INPP5D: variants seen among roughly 807,000 people sequenced by gnomAD.
INPP5D encodes the protein inositol polyphosphate-5-phosphatase D, also known as phosphatidylinositol 3,4,5-trisphosphate 5-phosphatase 1.
Under a neutral mutation model 122.9 loss-of-function variants are expected in INPP5D, and 33 were observed. That is an observed-to-expected ratio of 0.27 (90% CI 0.20 to 0.36). The LOEUF (loss-of-function observed/expected upper bound fraction) is 0.36. INPP5D is among the 10% of genes least tolerant of loss of function. The pLI is 1.00. For missense variants in INPP5D, 1,053 were observed against 1,412.7 expected, an observed-to-expected ratio of 0.75 and a Z score of 4.08; for synonymous variants, 584 against 576.2, an observed-to-expected ratio of 1.01 and a Z score of -0.19.
intron 2 of INPP5D, among the ~76,000 whole-genome samples, chr2:233,088,711 G>A (rs6712404): frequency 0.085 from 12,984 of 152,282 alleles, 583 homozygotes; most frequent in Non-Finnish European, 0.095. Flanking sequence ...CAGTCAGCTC[G>A]CTGACACCAA....
At chr2:233,172,017 C>T (rs550177517) in intron 17 of INPP5D, among the ~76,000 whole-genome samples, 5 of 152,296 alleles carry the variant, frequency 3.3e-5, no homozygotes, top group East Asian at 1.9e-4. Flanking sequence ...GAAGGCCAAG[C>T]GCTGGGTGGA....
In INPP5D at chr2:233,206,984, G is replaced by T; in HGVS notation, c.*276G>T. ...TTGGTACTTGGGACCCCAGTGCCTC[G>T]TTGAGGGCGCCATTCTGAAGAAAGG... On this transcript the variant is annotated 3_prime_UTR_variant, in exon 27 of 27. Coordinates refer to ENST00000445964, the MANE Select transcript of INPP5D (RefSeq NM_001017915.3). This position sits in a 1 kb window ranked among gnomAD's most constrained non-coding sequence, Gnocchi z 4.0. 3 of 433,608 alleles carry T rather than the reference G, an allele frequency of 6.9e-6. No individual in the cohort carries two copies. The highest frequency in any genetic ancestry group is 1.3e-5 in the Non-Finnish European group (3 of 239,370). 26.9% of individuals were successfully genotyped at this position (433,608 alleles called of 1,614,324 possible). A position where few individuals can be genotyped will look rare whatever the true frequency, so the allele number is the denominator to read the frequency against.
intron 18 of INPP5D, among the ~76,000 whole-genome samples, chr2:233,178,732 C>T (rs968424133): frequency 9.9e-5 from 15 of 152,204 alleles, no homozygotes; most frequent in Non-Finnish European, 1.5e-4. Context: ...GATCCACCCG[C>T]CTCAGCCTCC....
At chr2:233,101,102 T>G (rs1051272816) in intron 2 of INPP5D, among the ~76,000 whole-genome samples, 2 of 152,176 alleles carry the variant, frequency 1.3e-5, no homozygotes, top group African/African-American at 4.8e-5. Context: ...CTCTGGGGAC[T>G]GAAGGGATGA....
intron 2 of INPP5D, among the ~76,000 whole-genome samples, chr2:233,092,814 G>A (rs558578522): frequency 6.6e-6 from 1 of 152,170 alleles, no homozygotes; most frequent in South Asian, 2.1e-4. Context: ...AGGCCAAGGA[G>A]CCCCAGGCCC....
chr2:233,084,540 C>T (rs557281194), intron 2 of INPP5D, among the ~76,000 whole-genome samples: 4 of 152,304 alleles, frequency 2.6e-5, no homozygotes, highest in East Asian at 3.9e-4. Flanking sequence ...CACGTATCTC[C>T]GGGCGACATG....
intron 1 of INPP5D, among the ~76,000 whole-genome samples, chr2:233,061,411 T>C (rs6759288): frequency 0.04 from 6,075 of 152,060 alleles, 359 homozygotes; most frequent in African/African-American, 0.13. Context: ...GGTCTAATCA[T>C]AGGGGGGCCT....
At chr2:233,193,069 C>T (rs1371500644) in intron 22 of INPP5D, among the ~76,000 whole-genome samples, 1 of 152,112 alleles carries the variant, frequency 6.6e-6, no homozygotes, top group Non-Finnish European at 1.5e-5. Flanking sequence ...TGTAATTTTT[C>T]GTAGAGAGGG....
At chr2:233,130,686 GCCA>G in intron 5 of INPP5D, 38 bp downstream of exon 5, 5 of 1,610,772 alleles carry the variant, frequency 3.1e-6, no homozygotes, top group Non-Finnish European at 4.2e-6. Context: ...GGTGGGGGCG[GCCA>G]CCAGGTGAGA....
chr2:233,073,640 CAAAAAA>C (rs752382722), intron 1 of INPP5D, among the ~76,000 whole-genome samples: 1 of 44,202 alleles, frequency 2.3e-5, no homozygotes, highest in African/African-American at 7.4e-5. Context: ...AACTCAATCT[CAAAAAA>C]AAAAAAAAAA....
chr2:233,196,315 T>G (rs1389180843), intron 24 of INPP5D, among the ~76,000 whole-genome samples: 1 of 152,232 alleles, frequency 6.6e-6, no homozygotes, highest in African/African-American at 2.4e-5. Flanking sequence ...GGGGAAATTC[T>G]AATGTGACGG....
At chr2:233,124,632 C>T (rs1693099551) in intron 3 of INPP5D, among the ~76,000 whole-genome samples, 1 of 152,240 alleles carries the variant, frequency 6.6e-6, no homozygotes, top group African/African-American at 2.4e-5. Context: ...CCCAGGCGCC[C>T]AGGGCCATGC....
At chr2:233,178,033 A>G (rs1365484109) in intron 18 of INPP5D, among the ~76,000 whole-genome samples, 9 of 152,242 alleles carry the variant, frequency 5.9e-5, no homozygotes, top group Admixed American at 5.9e-4. Flanking sequence ...ATACACATAT[A>G]TATTTGGGGA....
intron 26 of INPP5D, chr2:233,205,634 T>C (rs1695479128): frequency 6.6e-6 from 1 of 151,792 alleles, no homozygotes; most frequent in Non-Finnish European, 1.5e-5. Context: ...AGTTCTGGGA[T>C]TACAGGCATG....
Position 233,070,442 on chromosome 2 carries a change from GT to G in INPP5D, c.135-8878del, listed in dbSNP as rs56101050. 8.4e-3 allele frequency among the ~76,000 whole-genome samples: 1,188 copies of G among 141,630 alleles called. 9 individuals carry two copies. The highest frequency in any genetic ancestry group is 0.012 in the East Asian group (61 of 4,902). 92.9% of individuals were successfully genotyped at this position (141,630 alleles called of 152,430 possible). A position where few individuals can be genotyped will look rare whatever the true frequency, so the allele number is the denominator to read the frequency against. ...TAGACTTGGGCTAAGGATTCAGCAG[GT>G]TTTTTTTTTTTTTTCGAGATGGTGT... On this transcript the variant is annotated intron_variant, in intron 1 of 26. Transcript: ENST00000445964.
intron 2 of INPP5D, among the ~76,000 whole-genome samples, chr2:233,115,282 G>C (rs775791458): frequency 6.6e-6 from 1 of 152,280 alleles, no homozygotes; most frequent in South Asian, 2.1e-4. Flanking sequence ...CTAGCACCCC[G>C]GGGCTCCTGC....
chr2:233,158,956 A>G (rs1157366084), intron 10 of INPP5D, among the ~76,000 whole-genome samples: 1 of 151,956 alleles, frequency 6.6e-6, no homozygotes, highest in Non-Finnish European at 1.5e-5. Context: ...CTAATTTTTT[A>G]TATTTTGTAG....
chr2:233,088,857 C>A (rs1282197382), intron 2 of INPP5D, among the ~76,000 whole-genome samples: 1 of 152,116 alleles, frequency 6.6e-6, no homozygotes, highest in African/African-American at 2.4e-5. Flanking sequence ...CAAGGCCATC[C>A]AAAGGGGCCT....
intron 25 of INPP5D, among the ~76,000 whole-genome samples, chr2:233,198,625 G>A (rs1351586593): frequency 6.6e-6 from 1 of 152,210 alleles, no homozygotes; most frequent in African/African-American, 2.4e-5. Context: ...CCAAGAAAAG[G>A]AACCTCCTAT....
Sources: allele counts gnomAD v4.1 joint callset (sites outside exome capture counted in the v4.1 genomes callset), GRCh38; gene constraint gnomAD v4.1.1; non-coding constraint Gnocchi (gnomAD v3.1); transcripts MANE v1.5; gene names NCBI Gene and HGNC (gene_info 2026-07-23, HGNC 2026-07-21).